RALGAPA2: variants seen among roughly 807,000 people sequenced by gnomAD.
RALGAPA2 encodes Ral GTPase activating protein catalytic subunit alpha 2, also known as ral GTPase-activating protein subunit alpha-2.
RALGAPA2 carries 139 observed loss-of-function variants against 230.4 expected under a neutral mutation model. That is an observed-to-expected ratio of 0.60 (90% CI 0.53 to 0.69). The LOEUF (loss-of-function observed/expected upper bound fraction) is 0.69, where lower values mean the gene tolerates loss of function less well. Ranked by LOEUF, RALGAPA2 falls within the 30% of genes least tolerant of loss-of-function variation. The probability of loss-of-function intolerance (pLI) is 0.00; values close to 1 mark genes in which losing one functional copy is unlikely to be tolerated. For synonymous variants in RALGAPA2, 847 were observed against 837.8 expected (o/e 1.01, Z -0.19); for missense variants, 2,163 against 2,276.0 (o/e 0.95, Z 1.01).
At chr20:20,429,521 C>T (rs2060458715) in intron 37 of RALGAPA2, among the ~76,000 whole-genome samples, 1 of 152,194 alleles carries the variant, frequency 6.6e-6, no homozygotes, top group Admixed American at 6.5e-5. Flanking sequence ...GAATAAACTA[C>T]ATTAATTTGA....
intron 35 of RALGAPA2, among the ~76,000 whole-genome samples, chr20:20,496,796 C>T (rs73122496): frequency 0.052 from 7,938 of 152,234 alleles, 284 homozygotes; most frequent in Middle Eastern, 0.22. Flanking sequence ...TATAAGGTTA[C>T]AAAAGGAAGC....
intron 31 of RALGAPA2, among the ~76,000 whole-genome samples, chr20:20,515,073 C>T (rs575803850): frequency 6.6e-6 from 1 of 152,358 alleles, no homozygotes; most frequent in South Asian, 2.1e-4. Flanking sequence ...CCCCTGCCCA[C>T]CCAGGGCTAA....
intron 20 of RALGAPA2, among the ~76,000 whole-genome samples, chr20:20,579,849 A>G (rs1602917337): frequency 6.6e-6 from 1 of 152,244 alleles, no homozygotes. Flanking sequence ...CTGACAAGCC[A>G]CATATATCAT....
chr20:20,521,320 G>A (rs1425168335), intron 30 of RALGAPA2, among the ~76,000 whole-genome samples: 1 of 152,162 alleles, frequency 6.6e-6, no homozygotes, highest in African/African-American at 2.4e-5. Flanking sequence ...GAAAGTAAAA[G>A]TTAAAAAGTA....
At chr20:20,569,915 T>C (rs1377084712) in intron 23 of RALGAPA2, among the ~76,000 whole-genome samples, 2 of 152,126 alleles carry the variant, frequency 1.3e-5, no homozygotes, top group Non-Finnish European at 2.9e-5. Context: ...TAAAGTAGGG[T>C]ATTGTTAAGT....
At chr20:20,706,680 G>A (rs2069621129) in intron 1 of RALGAPA2, among the ~76,000 whole-genome samples, 1 of 152,102 alleles carries the variant, frequency 6.6e-6, no homozygotes, top group Non-Finnish European at 1.5e-5. Context: ...AACATTTCTG[G>A]GAGGCATGCA....
intron 39 of RALGAPA2, among the ~76,000 whole-genome samples, chr20:20,396,292 G>A (rs973320287): frequency 2.0e-5 from 3 of 151,182 alleles, no homozygotes; most frequent in Non-Finnish European, 3.0e-5. Context: ...CATTAAGGCT[G>A]GCGGTCAAAG....
chr20:20,683,293 C>A (rs1453290566), intron 1 of RALGAPA2, among the ~76,000 whole-genome samples: 2 of 152,200 alleles, frequency 1.3e-5, no homozygotes, highest in African/African-American at 4.8e-5. Flanking sequence ...CACTCTTCTT[C>A]CATTCCCCAT....
intron 18 of RALGAPA2, among the ~76,000 whole-genome samples, chr20:20,585,741 T>C (rs2065115593): frequency 6.6e-6 from 1 of 152,066 alleles, no homozygotes; most frequent in Non-Finnish European, 1.5e-5. Context: ...GAGATGCTGG[T>C]TATACCAGGC....
chr20:20,562,501 T>C (rs1189504637), intron 23 of RALGAPA2, among the ~76,000 whole-genome samples: 1 of 152,242 alleles, frequency 6.6e-6, no homozygotes, highest in African/African-American at 2.4e-5. Flanking sequence ...GCATGTCTTA[T>C]TAGATACCGG....
intron 23 of RALGAPA2, among the ~76,000 whole-genome samples, chr20:20,556,875 A>G (rs554047999): frequency 7.2e-5 from 11 of 152,136 alleles, no homozygotes; most frequent in African/African-American, 2.7e-4. Flanking sequence ...ATACTAAAAT[A>G]TTTTTCTGAG....
chr20:20,572,036 T>G, intron 21 of RALGAPA2, 90 bp from the exon 22 acceptor site: 1 of 803,132 alleles, frequency 1.2e-6, no homozygotes, highest in Non-Finnish European at 2.0e-6. Context: ...TATAGCTGCT[T>G]TCAGTTAATT....
chr20:20,463,071 C>T (rs1045747968), intron 37 of RALGAPA2, among the ~76,000 whole-genome samples: 3 of 151,238 alleles, frequency 2.0e-5, no homozygotes, highest in Non-Finnish European at 4.4e-5. Flanking sequence ...AAGAGATTGT[C>T]TTTAGGAAAC....
At chr20:20,504,770 T>C (rs922604718) in intron 34 of RALGAPA2, among the ~76,000 whole-genome samples, 4 of 152,020 alleles carry the variant, frequency 2.6e-5, no homozygotes, top group African/African-American at 4.8e-5. Flanking sequence ...TTATTTTAGA[T>C]ATGTTGATTT....
intron 23 of RALGAPA2, among the ~76,000 whole-genome samples, chr20:20,555,505 T>C (rs1324177807): frequency 6.6e-6 from 1 of 152,182 alleles, no homozygotes; most frequent in Admixed American, 6.5e-5. Context: ...ACATGTCAGT[T>C]TGGGGAGTAC....
Position 20,462,320 on chromosome 20 carries a change from C to T in RALGAPA2, c.5495+10509G>A, listed in dbSNP as rs571093877. On this transcript the variant is annotated intron_variant, in intron 37 of 39. Transcript: ENST00000202677. Reference sequence around the variant, plus strand: ...TACTAGAAACGAAAGCAGCTGTGCACTTCTCAAGTTGAATGTGTTAAAGCC... The same window carrying T: ...TACTAGAAACGAAAGCAGCTGTGCATTTCTCAAGTTGAATGTGTTAAAGCC... Among the ~76,000 whole-genome samples, 3 of 152,310 alleles carry T rather than the reference C, an allele frequency of 2.0e-5. 1 individual carries two copies. In the South Asian group the frequency reaches 6.2e-4, roughly 32 times the overall value.
chr20:20,620,063 A>T (rs1229866672), intron 11 of RALGAPA2, among the ~76,000 whole-genome samples: 1 of 152,224 alleles, frequency 6.6e-6, no homozygotes, highest in East Asian at 1.9e-4. Context: ...GGTACAGGCC[A>T]CTGCACAACA....
chr20:20,543,048 A>G (rs1222919955), intron 24 of RALGAPA2, among the ~76,000 whole-genome samples: 2 of 151,664 alleles, frequency 1.3e-5, no homozygotes, highest in African/African-American at 4.9e-5. Context: ...AGGAACTTAA[A>G]CCATTTTTTT....
intron 38 of RALGAPA2, among the ~76,000 whole-genome samples, chr20:20,397,888 C>T (rs763300634): frequency 5.3e-5 from 8 of 152,146 alleles, no homozygotes; most frequent in Admixed American, 1.3e-4. Context: ...GATCGTGGGT[C>T]GTGTATGATC....
Sources: gnomAD v4.1 joint callset for allele counts (sites outside exome capture counted in the v4.1 genomes callset) on GRCh38, gnomAD v4.1.1 for gene constraint, MANE v1.5 for transcripts, NCBI Gene and HGNC (gene_info 2026-07-23, HGNC 2026-07-21) for gene names.